RSRC1: variants seen among roughly 807,000 people sequenced by gnomAD.
The protein encoded by RSRC1 is serine/Arginine-related protein 53.
A neutral mutation model predicts 49.1 loss-of-function variants in RSRC1; 39 were observed. That is an observed-to-expected ratio of 0.79 (90% CI 0.61 to 1.04). RSRC1 has a LOEUF of 1.04. RSRC1 is among the 50% of genes least tolerant of loss of function. The pLI is 0.00. For missense variants in RSRC1, 388 were observed against 402.4 expected (o/e 0.96, Z 0.31); for synonymous variants, 143 against 130.8 (o/e 1.09, Z -0.63).
At chr3:158,512,207 G>T (rs1169963426) in intron 7 of RSRC1, among the ~76,000 whole-genome samples, 1 of 146,878 alleles carries the variant, frequency 6.8e-6, no homozygotes, top group Non-Finnish European at 1.5e-5. Flanking sequence ...TGTCCTGAAT[G>T]GTAATGCCTA....
chr3:158,538,872 A>G (rs1712876858), intron 8 of RSRC1, among the ~76,000 whole-genome samples: 1 of 151,982 alleles, frequency 6.6e-6, no homozygotes, highest in African/African-American at 2.4e-5. Context: ...ACAATGAATA[A>G]ATTCACACTT....
chr3:158,294,071 C>G (rs1036785193), intron 4 of RSRC1, among the ~76,000 whole-genome samples: 3 of 152,042 alleles, frequency 2.0e-5, no homozygotes, highest in Non-Finnish European at 4.4e-5. Flanking sequence ...ATTTTTATAT[C>G]TGGGAAATCT....
chr3:158,189,160 A>C (rs1720086134), intron 3 of RSRC1, among the ~76,000 whole-genome samples: 1 of 151,752 alleles, frequency 6.6e-6, no homozygotes, highest in Non-Finnish European at 1.5e-5. Flanking sequence ...TTCTTCCTTA[A>C]TTGCACTATA....
intron 6 of RSRC1, among the ~76,000 whole-genome samples, chr3:158,390,393 T>G (rs753468839): frequency 4.6e-5 from 7 of 152,186 alleles, no homozygotes; most frequent in Non-Finnish European, 8.8e-5. Context: ...AAAGTAGGAC[T>G]GAGGGGCCGC....
chr3:158,279,268 G>A (rs1725994811), intron 4 of RSRC1, among the ~76,000 whole-genome samples: 1 of 152,200 alleles, frequency 6.6e-6, no homozygotes, highest in Non-Finnish European at 1.5e-5. Flanking sequence ...CTCAGCTATT[G>A]TTAATCGCAT....
At position 158,243,263 on chromosome 3, in the gene RSRC1, A is replaced by G. The variant is rs556822666; in HGVS notation, c.494+40018A>G. On this transcript the variant is annotated intron_variant, in intron 4 of 9. Coordinates refer to ENST00000611884, the MANE Select transcript of RSRC1 (RefSeq NM_001271838.2). ...AAGGGGTCCCATTTCAGTTTTTTGC[A>G]TATGGCTAGCCAGTTCTCCCAGCAC... 1.8e-4 allele frequency among the ~76,000 whole-genome samples: 27 copies of G among 152,250 alleles called. No individual in the cohort carries two copies. The East Asian group carries it at 2.9e-3, about 16-fold the overall frequency.
chr3:158,193,960 C>G (rs555661096), intron 3 of RSRC1, among the ~76,000 whole-genome samples: 4 of 151,888 alleles, frequency 2.6e-5, no homozygotes, highest in Non-Finnish European at 5.9e-5. Flanking sequence ...TAGTTCATGA[C>G]TATAATCCCA....
chr3:158,509,033 T>C (rs960135993), intron 7 of RSRC1, among the ~76,000 whole-genome samples: 1 of 152,228 alleles, frequency 6.6e-6, no homozygotes, highest in Non-Finnish European at 1.5e-5. Flanking sequence ...TATTTTTTGT[T>C]ACATCAGCTT....
At chr3:158,169,284 G>C (rs1718723083) in intron 3 of RSRC1, among the ~76,000 whole-genome samples, 2 of 152,102 alleles carry the variant, frequency 1.3e-5, no homozygotes, top group Admixed American at 1.3e-4. Flanking sequence ...ATGAGTCCCA[G>C]GGATGGGCAT....
intron 6 of RSRC1, among the ~76,000 whole-genome samples, chr3:158,377,034 C>T (rs1464423748): frequency 6.6e-6 from 1 of 152,118 alleles, no homozygotes; most frequent in Non-Finnish European, 1.5e-5. Flanking sequence ...AGATAGTGTT[C>T]ACTACCTGTT....
At chr3:158,314,760 T>C (rs369623803) in intron 5 of RSRC1, among the ~76,000 whole-genome samples, 2 of 152,200 alleles carry the variant, frequency 1.3e-5, no homozygotes, top group African/African-American at 2.4e-5. Flanking sequence ...ATGGTAACAA[T>C]ATAATTTAAA....
chr3:158,250,003 ACT>A (rs752239239), intron 4 of RSRC1, among the ~76,000 whole-genome samples: 3 of 151,882 alleles, frequency 2.0e-5, no homozygotes, highest in Non-Finnish European at 4.4e-5. Flanking sequence ...GCATCATTGT[ACT>A]CTCTCCATGA....
At chr3:158,244,718 A>G (rs1215790381) in intron 4 of RSRC1, among the ~76,000 whole-genome samples, 1 of 152,038 alleles carries the variant, frequency 6.6e-6, no homozygotes, top group Admixed American at 6.5e-5. Context: ...TCTTCTTTCT[A>G]CCTGTGGTAG....
intron 7 of RSRC1, among the ~76,000 whole-genome samples, chr3:158,524,471 A>G (rs1711886127): frequency 1.3e-5 from 2 of 151,954 alleles, no homozygotes; most frequent in South Asian, 4.1e-4. Flanking sequence ...CTTTCACCCA[A>G]GCTTCATTAT....
rs140566524 is a variant in RSRC1, at chr3:158,412,629, A to G, written c.584-48306A>G. Among the ~76,000 whole-genome samples, 174 of 152,256 alleles carry G rather than the reference A, an allele frequency of 1.1e-3. 1 individual carries two copies. The highest frequency in any genetic ancestry group is 4.1e-3 in the African/African-American group (169 of 41,558). On this transcript the variant is annotated intron_variant, in intron 6 of 9. Coordinates refer to ENST00000611884, the MANE Select transcript of RSRC1 (RefSeq NM_001271838.2). ...AGTACATGGTAAGCACCTCACTACCATAAATCATTTTCTTAAAGGGTTAAG... is the reference window on the plus strand; with the variant it reads ...AGTACATGGTAAGCACCTCACTACCGTAAATCATTTTCTTAAAGGGTTAAG...
intron 6 of RSRC1, among the ~76,000 whole-genome samples, chr3:158,393,693 G>GCC (rs1733453643): frequency 6.6e-6 from 1 of 151,864 alleles, no homozygotes; most frequent in Non-Finnish European, 1.5e-5. Flanking sequence ...ACCAGAAAAG[G>GCC]CCCAGGAGCA....
chr3:158,368,841 T>C (rs1731915596), intron 6 of RSRC1, among the ~76,000 whole-genome samples: 1 of 152,144 alleles, frequency 6.6e-6, no homozygotes, highest in African/African-American at 2.4e-5. Context: ...CAACCTTTTC[T>C]TATAGGAGAA....
chr3:158,302,729 T>C (rs1418443368), intron 5 of RSRC1: 1 of 147,590 alleles, frequency 6.8e-6, no homozygotes, highest in Non-Finnish European at 1.5e-5. Context: ...TGGTGCAATC[T>C]TGGCTCACTG....
chr3:158,239,508 A>G (rs1367456535), intron 4 of RSRC1, among the ~76,000 whole-genome samples: 2 of 147,442 alleles, frequency 1.4e-5, no homozygotes, highest in African/African-American at 4.9e-5. Flanking sequence ...CATATACACC[A>G]TGGAATACTG....
Sources: allele counts gnomAD v4.1 joint callset (sites outside exome capture counted in the v4.1 genomes callset), GRCh38; gene constraint gnomAD v4.1.1; transcripts MANE v1.5; gene names NCBI Gene and HGNC (gene_info 2026-07-23, HGNC 2026-07-21).